The following TTC28 variants were observed in gnomAD, a reference collection of about 807,000 sequenced individuals.
TTC28 encodes the protein tetratricopeptide repeat protein 28.
Under a neutral mutation model 198.0 loss-of-function variants are expected in TTC28, and 61 were observed. The ratio of observed to expected loss-of-function variants is 0.31; its 90% CI spans 0.25 to 0.38. TTC28 has a LOEUF of 0.38. Ranked by LOEUF, TTC28 falls within the 10% of genes least tolerant of loss-of-function variation. TTC28 has a pLI of 1.00. For missense variants in TTC28, 2,678 were observed against 3,164.0 expected, an observed-to-expected ratio of 0.85 and a Z score of 3.69; for synonymous variants, 1,171 against 1,297.8, an observed-to-expected ratio of 0.90 and a Z score of 2.10.
At chr22:28,618,978 C>A (rs953499967) in intron 2 of TTC28, among the ~76,000 whole-genome samples, 1 of 151,970 alleles carries the variant, frequency 6.6e-6, no homozygotes, top group Non-Finnish European at 1.5e-5. Flanking sequence ...AATAATTCTT[C>A]CTTTTCCCTC....
chr22:28,548,600 C>T (rs1482808114), intron 2 of TTC28, among the ~76,000 whole-genome samples: 1 of 152,182 alleles, frequency 6.6e-6, no homozygotes, highest in South Asian at 2.1e-4. Flanking sequence ...AGCAAATAGC[C>T]GAGAGGCAGT....
At chr22:28,180,657 G>A (rs1260116439) in intron 5 of TTC28, among the ~76,000 whole-genome samples, 2 of 151,982 alleles carry the variant, frequency 1.3e-5, no homozygotes, top group African/African-American at 2.4e-5. Flanking sequence ...TGCTCCCACC[G>A]ATTCTTCTTG....
At chr22:28,020,400 G>A (rs576939112) in intron 13 of TTC28, among the ~76,000 whole-genome samples, 2 of 152,224 alleles carry the variant, frequency 1.3e-5, no homozygotes, top group Admixed American at 6.5e-5. Flanking sequence ...GTGTGGTGGC[G>A]GGAAAAGGAG....
At chr22:28,457,401 C>G (rs761421882) in intron 2 of TTC28, among the ~76,000 whole-genome samples, 4 of 152,150 alleles carry the variant, frequency 2.6e-5, no homozygotes, top group Non-Finnish European at 4.4e-5. Context: ...TTTAGCACCA[C>G]CACTACAAAG....
chr22:28,671,562 T>G (rs1462420556), intron 1 of TTC28, among the ~76,000 whole-genome samples: 1 of 141,560 alleles, frequency 7.1e-6, no homozygotes, highest in Non-Finnish European at 1.5e-5. Context: ...GTGAACCCGG[T>G]AGGCAGAGCT....
intron 2 of TTC28, among the ~76,000 whole-genome samples, chr22:28,612,371 A>G (rs1303103721): frequency 1.3e-5 from 2 of 152,206 alleles, no homozygotes; most frequent in East Asian, 3.8e-4. Flanking sequence ...CCACACAATA[A>G]AAGTGAGAGA....
At position 28,490,451 on chromosome 22, in the gene TTC28, T is replaced by C. The variant is rs536506708; in HGVS notation, c.381+139101A>G. Among the ~76,000 whole-genome samples, 47 of 152,326 alleles carry C rather than the reference T, an allele frequency of 3.1e-4. No homozygotes were observed. The South Asian group carries it at 9.5e-3, about 31-fold the overall frequency. On this transcript the variant is annotated intron_variant, in intron 2 of 22. Transcript: ENST00000397906. ...CATGGCAAATTGTGTGCTCGTTCTT[T>C]CACATTCCTTTGATCAGAACAAGTC... is the stretch of plus-strand genomic sequence containing the variant.
At chr22:28,326,142 A>C (rs2045526205) in intron 2 of TTC28, among the ~76,000 whole-genome samples, 2 of 152,160 alleles carry the variant, frequency 1.3e-5, no homozygotes, top group South Asian at 4.1e-4. Flanking sequence ...ATGAAACACA[A>C]GTAAGCAACA....
intron 13 of TTC28, among the ~76,000 whole-genome samples, chr22:28,019,126 C>T (rs1938493851): frequency 6.6e-6 from 1 of 152,204 alleles, no homozygotes; most frequent in African/African-American, 2.4e-5. Flanking sequence ...TGGGAGTGGA[C>T]CACCAGTTTG....
intron 2 of TTC28, among the ~76,000 whole-genome samples, chr22:28,483,133 T>C (rs1274802037): frequency 1.3e-5 from 2 of 152,202 alleles, no homozygotes; most frequent in East Asian, 3.8e-4. Flanking sequence ...GGCCGAGCTG[T>C]TTTCCACAGT....
Position 28,328,897 on chromosome 22 carries a change from A to C in TTC28, c.382-22254T>G, listed in dbSNP as rs140603596. 9.9e-5 allele frequency among the ~76,000 whole-genome samples: 15 copies of C among 151,992 alleles called. No homozygotes were observed. The East Asian group carries it at 2.7e-3, about 27-fold the overall frequency. On this transcript the variant is annotated intron_variant, in intron 2 of 22. Transcript: ENST00000397906. ...AGGAGTACAAAGGCCTGAGACTGGG[A>C]AAGGTATGATTAGGTTCATAGAATT...
chr22:28,069,206 A>T (rs1476280225), intron 12 of TTC28, among the ~76,000 whole-genome samples: 1 of 152,124 alleles, frequency 6.6e-6, no homozygotes, highest in African/African-American at 2.4e-5. Flanking sequence ...GCATGTTGGC[A>T]CTCTGTTTTT....
intron 2 of TTC28, among the ~76,000 whole-genome samples, chr22:28,562,406 A>T (rs1464942298): frequency 6.6e-6 from 1 of 152,224 alleles, no homozygotes; most frequent in East Asian, 1.9e-4. Context: ...AGACACTGTC[A>T]TGAAGACTAG....
At chr22:27,989,499 C>A (rs923882588) in intron 21 of TTC28, among the ~76,000 whole-genome samples, 2 of 152,146 alleles carry the variant, frequency 1.3e-5, no homozygotes, top group Admixed American at 6.5e-5. Flanking sequence ...ATTTGGGAAT[C>A]CTGCTAAACC....
intron 5 of TTC28, among the ~76,000 whole-genome samples, chr22:28,248,589 ACCACTTT>A (rs1930280431): frequency 6.6e-6 from 1 of 152,264 alleles, no homozygotes; most frequent in South Asian, 2.1e-4. Flanking sequence ...GGAATATGAT[ACCACTTT>A]GCTGATTGCA....
At chr22:28,677,157 G>C (rs1300875875) in intron 1 of TTC28, among the ~76,000 whole-genome samples, 1 of 13,902 alleles carries the variant, frequency 7.2e-5, no homozygotes. Context: ...CTCCATCTCA[G>C]GAAAAAAAAA....
intron 12 of TTC28, among the ~76,000 whole-genome samples, chr22:28,065,528 A>G (rs1431147655): frequency 6.6e-6 from 1 of 152,136 alleles, no homozygotes; most frequent in Non-Finnish European, 1.5e-5. Context: ...AACACCCTAT[A>G]AGGCCAAAAT....
At chr22:28,158,119 C>G (rs551425437) in intron 6 of TTC28, among the ~76,000 whole-genome samples, 1 of 152,018 alleles carries the variant, frequency 6.6e-6, no homozygotes, top group East Asian at 1.9e-4. Context: ...TATATGCCAA[C>G]AGTTAATAAT....
chr22:28,323,030 G>A (rs922462176), intron 2 of TTC28, among the ~76,000 whole-genome samples: 5 of 152,100 alleles, frequency 3.3e-5, no homozygotes, highest in African/African-American at 7.2e-5. Flanking sequence ...TTGAGATTCC[G>A]AATCACATTG....
Sources: allele counts gnomAD v4.1 joint callset (sites outside exome capture counted in the v4.1 genomes callset), GRCh38; gene constraint gnomAD v4.1.1; transcripts MANE v1.5; gene names NCBI Gene and HGNC (gene_info 2026-07-23, HGNC 2026-07-21).